Variants in IFT74 observed in about 807,000 individuals in gnomAD.
IFT74 encodes the protein intraflagellar transport protein 74 homolog.
IFT74 carries 92 observed loss-of-function variants against 96.7 expected under a neutral mutation model. That is an observed-to-expected ratio of 0.95 (90% CI 0.80 to 1.13). The LOEUF (loss-of-function observed/expected upper bound fraction) is 1.13. Ranked by LOEUF, IFT74 falls within the 50% of genes most tolerant of loss-of-function variation. The pLI, the probability that IFT74 is intolerant of heterozygous loss-of-function variation, is 0.00. For synonymous variants in IFT74, 223 were observed against 213.2 expected, an observed-to-expected ratio of 1.05 and a Z score of -0.40; for missense variants, 811 against 698.2, an observed-to-expected ratio of 1.16 and a Z score of -1.82.
intron 18 of IFT74, among the ~76,000 whole-genome samples, chr9:27,057,477 G>A (rs993028750): frequency 6.6e-6 from 1 of 151,928 alleles, no homozygotes; most frequent in Non-Finnish European, 1.5e-5. Context: ...CAATAACTAC[G>A]GTCTGAAAAA....
intron 15 of IFT74, among the ~76,000 whole-genome samples, chr9:27,047,852 C>T (rs1819759805): frequency 6.6e-6 from 1 of 151,888 alleles, no homozygotes; most frequent in African/African-American, 2.4e-5. Flanking sequence ...GCCCCCCTTT[C>T]AATATTCTAG....
rs576878766 is a variant in IFT74, at chr9:27,001,601, G to T, written c.588-7419G>T. 4.6e-5 allele frequency among the ~76,000 whole-genome samples: 7 copies of T among 152,132 alleles called. No individual in the cohort carries two copies. The East Asian group carries it at 1.4e-3, about 29-fold the overall frequency. ...TTCCACATACTTGTTTGTCTTTTGT[G>T]TGTTTTTTGAGAAATATCTATTCAG... On this transcript the variant is annotated intron_variant, in intron 8 of 19. Coordinates refer to ENST00000380062, the MANE Select transcript of IFT74 (RefSeq NM_025103.4).
chr9:26,948,448 ATTTTTTTTTT>A lies in IFT74; in HGVS notation c.-20+1333_-20+1342del, dbSNP rs71841244. On this transcript the variant is annotated intron_variant, in intron 1 of 19. Coordinates refer to the IFT74 transcript ENST00000433700. Reference sequence around the variant, plus strand: ...TGACAACCTGTGATGGCTTTCCATTATTTTTTTTTTTTTTTTTTTTTTTTTTTTTTTTTTT... The same window carrying A: ...TGACAACCTGTGATGGCTTTCCATTATTTTTTTTTTTTTTTTTTTTTTTTT... Among the ~76,000 whole-genome samples, 45 of 59,140 alleles carry A rather than the reference ATTTTTTTTTT, an allele frequency of 7.6e-4. 1 individual carries two copies. The highest frequency in any genetic ancestry group is 9.7e-4 in the African/African-American group (18 of 18,522). The allele number at this position is 59,140 out of a possible 152,430, so 38.8% of individuals were successfully genotyped here.
intron 7 of IFT74, among the ~76,000 whole-genome samples, chr9:26,989,250 C>G (rs1370063273): frequency 6.6e-6 from 1 of 152,074 alleles, no homozygotes; most frequent in Non-Finnish European, 1.5e-5. Flanking sequence ...GGAAAAATTA[C>G]CTAGCAGGTA....
intron 13 of IFT74, among the ~76,000 whole-genome samples, chr9:27,038,762 C>T (rs569175859): frequency 1.3e-5 from 2 of 152,254 alleles, no homozygotes; most frequent in Admixed American, 1.3e-4. Flanking sequence ...AAACAGAGTC[C>T]TCAATTTGGA....
upstream of IFT74, among the ~76,000 whole-genome samples, chr9:26,953,357 A>AT (rs1825992135): frequency 6.6e-6 from 1 of 152,202 alleles, no homozygotes; most frequent in African/African-American, 2.4e-5. Flanking sequence ...GTGTTGTTTG[A>AT]TTTTTTTCCT....
At chr9:27,036,416 C>T (rs1160356221) in intron 13 of IFT74, 2 of 1,608,284 alleles carry the variant, frequency 1.2e-6, no homozygotes, top group African/African-American at 2.7e-5. Context: ...GTAATATAGT[C>T]AATTCTTTGT....
intron 12 of IFT74, 21 bp from the exon 13 acceptor site, chr9:27,029,004 C>A (rs1256151948): frequency 1.2e-5 from 19 of 1,552,102 alleles, no homozygotes; most frequent in Non-Finnish European, 1.7e-5. Flanking sequence ...TTCATAAATT[C>A]ATTAAAAATA....
chr9:27,011,861 C>G (rs757867297), intron 9 of IFT74, 45 bp from the exon 10 acceptor site: 4 of 1,326,470 alleles, frequency 3.0e-6, no homozygotes, highest in Middle Eastern at 1.9e-4. Flanking sequence ...ACAAATTATT[C>G]TTAATGTAAT....
At position 27,048,108 on chromosome 9, in the gene IFT74, C is replaced by A. The variant is rs752975408; in HGVS notation, c.1207-40C>A. The A allele has an allele frequency of 8.3e-6, 12 of 1,441,552 alleles. No homozygotes were observed. In the Admixed American group the frequency reaches 2.3e-4, roughly 27 times the overall value. 89.3% of individuals were successfully genotyped at this position (1,441,552 alleles called of 1,614,324 possible). A position where few individuals can be genotyped will look rare whatever the true frequency, so the allele number is the denominator to read the frequency against. ...GAGTTTTATTGAGAACTAACTAAAT[C>A]AGTGGATTTTTTTCTATTTTTATTT... On this transcript the variant is annotated intron_variant, in intron 15 of 19. Transcript: ENST00000380062.
At chr9:26,957,050 A>G (rs1826140365) in intron 1 of IFT74, among the ~76,000 whole-genome samples, 1 of 152,240 alleles carries the variant, frequency 6.6e-6, no homozygotes, top group African/African-American at 2.4e-5. Context: ...AGGTGGCAAG[A>G]TTATGCAGCC....
intron 16 of IFT74, among the ~76,000 whole-genome samples, chr9:27,048,855 T>C (rs1487789003): frequency 6.6e-6 from 1 of 152,082 alleles, no homozygotes; most frequent in Non-Finnish European, 1.5e-5. Context: ...TACTCCTGAG[T>C]TGTGGGAGGT....
At chr9:26,953,178 C>T (rs1825985806), upstream of IFT74, among the ~76,000 whole-genome samples, 1 of 152,154 alleles carries the variant, frequency 6.6e-6, no homozygotes, top group African/African-American at 2.4e-5. Flanking sequence ...AAGGAACTCT[C>T]TGAGAAGGTT....
chr9:26,954,270 A>T (rs1209293800), upstream of IFT74, among the ~76,000 whole-genome samples: 1 of 152,242 alleles, frequency 6.6e-6, no homozygotes, highest in Admixed American at 6.5e-5. Flanking sequence ...ACTGAAACTT[A>T]AAACGGAATC....
At chr9:27,050,921 T>A (rs1819893175) in intron 16 of IFT74, among the ~76,000 whole-genome samples, 1 of 152,064 alleles carries the variant, frequency 6.6e-6, no homozygotes, top group Admixed American at 6.6e-5. Context: ...AATGAAATAA[T>A]GATCCATAAT....
chr9:26,980,251 C>G (rs1827310478), intron 3 of IFT74, among the ~76,000 whole-genome samples: 1 of 152,186 alleles, frequency 6.6e-6, no homozygotes, highest in Non-Finnish European at 1.5e-5. Context: ...ATTTCTGTCA[C>G]TGCAGAAAGT....
chr9:27,053,091 CTG>C (rs1319577461), intron 16 of IFT74, among the ~76,000 whole-genome samples: 1 of 150,114 alleles, frequency 6.7e-6, no homozygotes, highest in Non-Finnish European at 1.5e-5. Flanking sequence ...CCTCGATCTC[CTG>C]ACCTCGTGAT....
chr9:26,960,131 T>G (rs1477612119), intron 1 of IFT74, among the ~76,000 whole-genome samples: 2 of 152,184 alleles, frequency 1.3e-5, no homozygotes, highest in Admixed American at 6.5e-5. Flanking sequence ...TTACTTGAAT[T>G]TCCAACGTAA....
At chr9:26,950,169 G>C (rs531991195) in intron 1 of IFT74, among the ~76,000 whole-genome samples, 10 of 152,048 alleles carry the variant, frequency 6.6e-5, no homozygotes, top group Non-Finnish European at 1.2e-4. Flanking sequence ...AAAGTTAGCC[G>C]GGTGTGGTGG....
Sources: gnomAD v4.1 joint callset for allele counts (sites outside exome capture counted in the v4.1 genomes callset) on GRCh38, gnomAD v4.1.1 for gene constraint, MANE v1.5 for transcripts, NCBI Gene and HGNC (gene_info 2026-07-23, HGNC 2026-07-21) for gene names.